CASKIN1: variants seen among roughly 807,000 people sequenced by gnomAD.
CASKIN1 encodes CASK interacting protein 1.
A neutral mutation model predicts 117.5 loss-of-function variants in CASKIN1; 42 were observed. The observed-to-expected ratio is 0.36, with a 90% confidence interval of 0.28 to 0.46. The LOEUF is 0.46. CASKIN1 is among the 20% of genes least tolerant of loss of function. The probability of loss-of-function intolerance (pLI) is 1.00; values close to 1 mark genes in which losing one functional copy is unlikely to be tolerated. For missense variants in CASKIN1, 2,083 were observed against 2,077.3 expected, an observed-to-expected ratio of 1.00 and a Z score of -0.05; for synonymous variants, 1,148 against 961.7, an observed-to-expected ratio of 1.19 and a Z score of -3.59.
At chr16:2,190,526 C>T (rs938352678) in intron 1 of CASKIN1, among the ~76,000 whole-genome samples, 168 bp from the exon 2 acceptor site, 1 of 152,240 alleles carries the variant, frequency 6.6e-6, no homozygotes, top group Admixed American at 6.5e-5. Flanking sequence ...CAGCTCTGCC[C>T]CGCAGCCTGC....
chr16:2,181,857 C>G lies in CASKIN1; in HGVS notation c.1702G>C (p.Glu568Gln). The change falls in exon 17 of 20, where the codon GAG becomes CAG. Residue 568 changes from glutamate to glutamine, a missense_variant. By Grantham distance (29) the Glu-to-Gln change is conservative. Coordinates refer to ENST00000343516, the MANE Select transcript of CASKIN1 (RefSeq NM_020764.4). ...YYKVLVDNGY[E>Q]NIDFITDITW... ...ATGTCGGTGATGAAATCAATGTTCTCGTAGCCATTGTCCACCAACACCTTG... is the reference window on the plus strand; with the variant it reads ...ATGTCGGTGATGAAATCAATGTTCTGGTAGCCATTGTCCACCAACACCTTG... 1 of 1,613,788 alleles carries G rather than the reference C, an allele frequency of 6.2e-7. No homozygotes were observed. The highest frequency in any genetic ancestry group is 8.5e-7 in the Non-Finnish European group (1 of 1,179,994).
intron 16 of CASKIN1, 43 bp from the exon 17 acceptor site, chr16:2,181,972 C>T (rs756554085): frequency 1.1e-5 from 18 of 1,606,502 alleles, no homozygotes; most frequent in South Asian, 4.4e-5. Context: ...GCTGGCTGCC[C>T]GCACCCTGCC....
In CASKIN1 at chr16:2,178,407, C is replaced by T. The variant is rs918713420; in HGVS notation, c.*143G>A. The T allele has an allele frequency of 9.0e-6, 5 of 554,848 alleles. No homozygotes were observed. Among genetic ancestry groups the T allele is most frequent in the African/African-American group, 4.1e-5 (2 of 49,052 alleles). 34.4% of individuals were successfully genotyped at this position (554,848 alleles called of 1,614,324 possible). On this transcript the variant is annotated 3_prime_UTR_variant, in exon 20 of 20. Transcript: ENST00000343516. ...GCCAGGCGGTCCCCGGTGGGCGCCCCGGCCCGGGTCCAGGGGCCGGAGTTG... is the reference window on the plus strand; with the variant it reads ...GCCAGGCGGTCCCCGGTGGGCGCCCTGGCCCGGGTCCAGGGGCCGGAGTTG...
At chr16:2,188,931 C>T (rs2093192816) in intron 6 of CASKIN1, 96 bp downstream of exon 6, 2 of 1,512,846 alleles carry the variant, frequency 1.3e-6, no homozygotes, top group Non-Finnish European at 1.8e-6. Flanking sequence ...CCTGCTCCCG[C>T]CCTATCCCCA....
rs913013600 is a variant in CASKIN1 at position 2,178,027 on chromosome 16, A to T, written c.*523T>A. On this transcript the variant is annotated 3_prime_UTR_variant, in exon 20 of 20. Coordinates refer to ENST00000343516, the MANE Select transcript of CASKIN1 (RefSeq NM_020764.4). ...AATGGTTTTCTATAGAATCAATAAT[A>T]TTTCTTTCTTTAAATATATATTTGT... 1 of 436,726 alleles carries T rather than the reference A, an allele frequency of 2.3e-6. No individual in the cohort carries two copies. The highest frequency in any genetic ancestry group is 2.1e-5 in the African/African-American group (1 of 47,792). The allele number at this position is 436,726 out of a possible 1,614,324, so 27.1% of individuals were successfully genotyped here.
chr16:2,196,073 G>T lies in CASKIN1; in HGVS notation c.94+266C>A, dbSNP rs539962438. ...AGGGGGACAGAGGTAGAGAGAGAGG[G>T]ATGCGAACGCCCGCGGCCCGGGAGG... On this transcript the variant is annotated intron_variant, in intron 1 of 19. Coordinates refer to ENST00000343516, the MANE Select transcript of CASKIN1 (RefSeq NM_020764.4). This position sits in a 1 kb window ranked among gnomAD's most constrained non-coding sequence, Gnocchi z 5.7. Among the ~76,000 whole-genome samples, 1 of 152,116 alleles carries T rather than the reference G, an allele frequency of 6.6e-6. No homozygotes were observed. Among genetic ancestry groups the T allele is most frequent in the Admixed American group, 6.5e-5 (1 of 15,282 alleles).
At chr16:2,183,093 C>T (rs71386657) in intron 16 of CASKIN1, among the ~76,000 whole-genome samples, 2 of 152,236 alleles carry the variant, frequency 1.3e-5, no homozygotes, top group African/African-American at 4.8e-5. Flanking sequence ...GGCCGCACCT[C>T]CGTGTTAATG....
At chr16:2,194,719 C>G (rs1352928270) in intron 1 of CASKIN1, among the ~76,000 whole-genome samples, 1 of 152,194 alleles carries the variant, frequency 6.6e-6, no homozygotes, top group African/African-American at 2.4e-5. Flanking sequence ...GCAGGTGTCT[C>G]TCCTGTCCCA....
Position 2,180,112 on chromosome 16 carries a change from C to T in CASKIN1, c.3256G>A (p.Asp1086Asn). The T allele has an allele frequency of 6.4e-7, 1 of 1,554,430 alleles. No homozygotes were observed. The highest frequency in any genetic ancestry group is 8.7e-7 in the Non-Finnish European group (1 of 1,150,762). Residue 1086 changes from aspartate (D) to asparagine (N), a missense_variant, in exon 18 of 20, where the codon GAC becomes AAC. Asp to Asn is a conservative substitution (Grantham distance 23, BLOSUM62 1). Transcript: ENST00000343516. ...CCATCCTCCACAAAGGGGCCTGGGT[C>T]TGCCGACTCCCCAGGCCCCCGGCGG... ...TARRGPGESADPGPFVEDGTG... is the reference protein window; with the variant it reads ...TARRGPGESANPGPFVEDGTG...
Position 2,179,205 on chromosome 16 carries a change from G to A in CASKIN1, c.3896C>T (p.Pro1299Leu). The A allele has an allele frequency of 8.6e-7, 1 of 1,162,900 alleles. No homozygotes were observed. Among genetic ancestry groups the A allele is most frequent in the Non-Finnish European group, 1.1e-6 (1 of 943,942 alleles). 72.0% of individuals were successfully genotyped at this position (1,162,900 alleles called of 1,614,324 possible). A position where few individuals can be genotyped will look rare whatever the true frequency, so the allele number is the denominator to read the frequency against. Residue 1299 changes from proline to leucine, a missense_variant, in exon 19 of 20, where the codon CCC becomes CTC. This residue lies in a region of CASKIN1 where 1,818 missense variants were observed against 1,688.9 expected (regional missense o/e 1.08). Coordinates refer to ENST00000343516, the MANE Select transcript of CASKIN1 (RefSeq NM_020764.4). The surrounding 1 kb of genome is among the most constrained non-coding windows in gnomAD (Gnocchi z 5.8). ...CGGCTGTCGCGCGGGCGAGGGTGCGGGTGAAGGGCCGGCGCTGCCCGAAGG... is the reference window on the plus strand; with the variant it reads ...CGGCTGTCGCGCGGGCGAGGGTGCGAGTGAAGGGCCGGCGCTGCCCGAAGG... ...GLPSGSAGPS[P>L]APSPARQPPA... is the part of the protein sequence containing the mutation.
chr16:2,192,953 C>T (rs1229087840), intron 1 of CASKIN1, among the ~76,000 whole-genome samples: 2 of 152,252 alleles, frequency 1.3e-5, no homozygotes, highest in African/African-American at 4.8e-5. Context: ...GGGTGTGCGG[C>T]CTGTGCTTGG....
intron 1 of CASKIN1, among the ~76,000 whole-genome samples, chr16:2,192,543 C>T (rs760280738): frequency 3.9e-5 from 6 of 152,196 alleles, no homozygotes; most frequent in Non-Finnish European, 5.9e-5. Flanking sequence ...AACATATCGG[C>T]TGCCCTGTCC....
In CASKIN1 at chr16:2,180,700, C is replaced by A; in HGVS notation, c.2668G>T (p.Asp890Tyr). 1.3e-6 allele frequency: 2 copies of A among 1,493,270 alleles called. No homozygotes were observed. Among genetic ancestry groups the A allele is most frequent in the Non-Finnish European group, 1.8e-6 (2 of 1,127,880 alleles). The allele number at this position is 1,493,270 out of a possible 1,614,324, so 92.5% of individuals were successfully genotyped here. ...AGCTCGTCCCGCTCCGGCTCGCTGTCGGACGCCGCATAGCGATTCAGGCTG... is the reference window on the plus strand; with the variant it reads ...AGCTCGTCCCGCTCCGGCTCGCTGTAGGACGCCGCATAGCGATTCAGGCTG... ...AHSLNRYAAS[D>Y]SEPERDELLV... The change falls in exon 18 of 20, where the codon GAC becomes TAC. Residue 890 changes from aspartate (D) to tyrosine (Y), a missense_variant. Transcript: ENST00000343516.
chr16:2,196,459 G>T lies in CASKIN1; in HGVS notation c.-27C>A. 1 of 1,171,332 alleles carries T rather than the reference G, an allele frequency of 8.5e-7. No individual in the cohort carries two copies. Among genetic ancestry groups the T allele is most frequent in the Non-Finnish European group, 1.1e-6 (1 of 937,852 alleles). 72.6% of individuals were successfully genotyped at this position (1,171,332 alleles called of 1,614,324 possible). On this transcript the variant is annotated 5_prime_UTR_variant, in exon 1 of 20. Transcript: ENST00000343516. This position sits in a 1 kb window ranked among gnomAD's most constrained non-coding sequence, Gnocchi z 5.7. ...GCGCGGCCGGGGCCGCAGCGACGCG[G>T]CTGCGCTCGTGAGCTCGGCGCGGCT...
chr16:2,182,751 C>A lies in CASKIN1; in HGVS notation c.1630-822G>T, dbSNP rs948303922. ...GTTGGGCTAGGCCTGGGCCCACCTT[C>A]TTCAGGCCCGGAACCCATCCCACTG... On this transcript the variant is annotated intron_variant, in intron 16 of 19. Transcript: ENST00000343516. This position sits in a 1 kb window ranked among gnomAD's most constrained non-coding sequence, Gnocchi z 4.1. Among the ~76,000 whole-genome samples the A allele has an allele frequency of 6.6e-6, 1 of 152,234 alleles. No individual in the cohort carries two copies. Among genetic ancestry groups the A allele is most frequent in the Non-Finnish European group, 1.5e-5 (1 of 68,042 alleles).
Position 2,180,453 on chromosome 16 carries a change from G to C in CASKIN1, c.2915C>G (p.Pro972Arg), listed in dbSNP as rs1461346197. The C allele has an allele frequency of 6.4e-7, 1 of 1,558,364 alleles. No homozygotes were observed. Among genetic ancestry groups the C allele is most frequent in the Non-Finnish European group, 8.6e-7 (1 of 1,159,104 alleles). Residue 972 changes from proline to arginine, a missense_variant, in exon 18 of 20, where the codon CCT becomes CGT. Around this residue, in one of 3 missense-constraint regions of CASKIN1, gnomAD observed 1,818 missense variants for 1,688.9 expected, o/e 1.08. Coordinates refer to ENST00000343516, the MANE Select transcript of CASKIN1 (RefSeq NM_020764.4). ...LADEPVPDAE[P>R]EDGLLGVRAQ... ...CCGGACCCCCAGCAGGCCATCCTCAGGCTCGGCGTCAGGCACCGGCTCATC... is the reference window on the plus strand; with the variant it reads ...CCGGACCCCCAGCAGGCCATCCTCACGCTCGGCGTCAGGCACCGGCTCATC...
At position 2,179,684 on chromosome 16, in the gene CASKIN1, G is replaced by T. The variant is rs965104563; in HGVS notation, c.3684C>A (p.Pro1228=). 1.3e-6 allele frequency: 2 copies of T among 1,526,688 alleles called. No individual in the cohort carries two copies. The highest frequency in any genetic ancestry group is 1.7e-6 in the Non-Finnish European group (2 of 1,143,488). 94.6% of individuals were successfully genotyped at this position (1,526,688 alleles called of 1,614,324 possible). A position where few individuals can be genotyped will look rare whatever the true frequency, so the allele number is the denominator to read the frequency against. Residue 1228 remains proline (P), a synonymous_variant, in exon 18 of 20, where the codon CCC becomes CCA. Coordinates refer to ENST00000343516, the MANE Select transcript of CASKIN1 (RefSeq NM_020764.4). This position sits in a 1 kb window ranked among gnomAD's most constrained non-coding sequence, Gnocchi z 5.8. ...ARKPAKPPVS[P]KPVLTQPVPK... is the part of the protein sequence containing the mutation. The stretch of plus-strand genomic sequence containing the variant: ...GCACAGGCTGCGTCAGGACGGGCTT[G>T]GGAGAGACAGGCGGCTTGGCCGGCT...
chr16:2,193,079 G>A (rs1476842792), intron 1 of CASKIN1, among the ~76,000 whole-genome samples: 1 of 152,102 alleles, frequency 6.6e-6, no homozygotes, highest in Non-Finnish European at 1.5e-5. Flanking sequence ...GTGCAATGGT[G>A]CGATCTCGGC....
chr16:2,179,698 G>T lies in CASKIN1; in HGVS notation c.3670C>A (p.Pro1224Thr). 2 of 1,522,710 alleles carry T rather than the reference G, an allele frequency of 1.3e-6. No individual in the cohort carries two copies. Among genetic ancestry groups the T allele is most frequent in the Non-Finnish European group, 1.8e-6 (2 of 1,142,652 alleles). 94.3% of individuals were successfully genotyped at this position (1,522,710 alleles called of 1,614,324 possible). A position where few individuals can be genotyped will look rare whatever the true frequency, so the allele number is the denominator to read the frequency against. The change falls in exon 18 of 20, where the codon CCG becomes ACG. Residue 1224 changes from proline to threonine, a missense_variant. Pro to Thr is a conservative substitution (Grantham distance 38). Around this residue, in one of 3 missense-constraint regions of CASKIN1, gnomAD observed 1,818 missense variants for 1,688.9 expected, o/e 1.08. Transcript: ENST00000343516. The surrounding 1 kb of genome is among the most constrained non-coding windows in gnomAD (Gnocchi z 5.8). ...PEGEARKPAK[P>T]PVSPKPVLTQ... is the part of the protein sequence containing the mutation. ...AGGACGGGCTTGGGAGAGACAGGCG[G>T]CTTGGCCGGCTTCCGGGCTTCGCCC...
Sources: allele counts gnomAD v4.1 joint callset (sites outside exome capture counted in the v4.1 genomes callset), GRCh38; gene constraint gnomAD v4.1.1; regional missense constraint gnomAD v4.1.1; non-coding constraint Gnocchi (gnomAD v3.1); transcripts MANE v1.5; gene names NCBI Gene and HGNC (gene_info 2026-07-23, HGNC 2026-07-21).